The following ERBB4 variants were observed in gnomAD, a reference collection of about 807,000 sequenced individuals.
ERBB4 encodes receptor tyrosine-protein kinase erbB-4.
ERBB4 carries 42 observed loss-of-function variants against 158.0 expected under a neutral mutation model. The observed-to-expected ratio is 0.27, with a 90% CI of 0.21 to 0.34. The LOEUF (loss-of-function observed/expected upper bound fraction) is 0.34, where lower values mean the gene tolerates loss of function less well. Among genes scored for constraint, ERBB4 ranks in the 10% least tolerant of loss-of-function variants. ERBB4 has a pLI of 1.00. For synonymous variants in ERBB4, 583 were observed against 558.7 expected, an observed-to-expected ratio of 1.04 and a Z score of -0.61; for missense variants, 1,333 against 1,624.1, an observed-to-expected ratio of 0.82 and a Z score of 3.08.
intron 2 of ERBB4, among the ~76,000 whole-genome samples, chr2:212,003,193 GAAAGAAAGAAAGACA>G (rs1559293467): frequency 0.013 from 854 of 64,446 alleles, 70 homozygotes; most frequent in Non-Finnish European, 0.025. Flanking sequence ...AAGAAAGAAA[GAAAGAAAGAAAGACA>G]GAAAGAAGGA....
At chr2:212,416,090 A>T (rs1395050576) in intron 1 of ERBB4, among the ~76,000 whole-genome samples, 1 of 152,090 alleles carries the variant, frequency 6.6e-6, no homozygotes, top group African/African-American at 2.4e-5. Flanking sequence ...CCATCAACAA[A>T]ACTTTCTATT....
At chr2:211,446,724 T>A (rs974702293) in intron 20 of ERBB4, among the ~76,000 whole-genome samples, 1 of 152,058 alleles carries the variant, frequency 6.6e-6, no homozygotes, top group Non-Finnish European at 1.5e-5. Flanking sequence ...GATAACTTTA[T>A]AGAATCAGAT....
intron 1 of ERBB4, among the ~76,000 whole-genome samples, chr2:212,322,030 A>G (rs115497448): frequency 0.015 from 2,285 of 150,636 alleles, 82 homozygotes; most frequent in African/African-American, 0.053. Flanking sequence ...GATTTCACAG[A>G]GTGGATACAA....
At chr2:211,618,334 C>A (rs751524022) in intron 19 of ERBB4, among the ~76,000 whole-genome samples, 24 of 152,048 alleles carry the variant, frequency 1.6e-4, no homozygotes, top group Non-Finnish European at 3.4e-4. Flanking sequence ...ATCTGGCCTG[C>A]AGCTTATTTA....
At chr2:211,475,905 T>C (rs947829408) in intron 20 of ERBB4, among the ~76,000 whole-genome samples, 1 of 152,078 alleles carries the variant, frequency 6.6e-6, no homozygotes, top group Non-Finnish European at 1.5e-5. Flanking sequence ...GATTATGTAA[T>C]AGAGTAGTGG....
chr2:211,935,634 G>A (rs1019225523), intron 3 of ERBB4, among the ~76,000 whole-genome samples: 4 of 150,936 alleles, frequency 2.7e-5, no homozygotes, highest in African/African-American at 9.7e-5. Flanking sequence ...CCGAGGTGCT[G>A]AGCCAGGTCA....
At chr2:212,508,480 T>A (rs1284032192) in intron 1 of ERBB4, among the ~76,000 whole-genome samples, 1 of 152,196 alleles carries the variant, frequency 6.6e-6, no homozygotes, top group Admixed American at 6.5e-5. Context: ...TGAGATAATT[T>A]TTAAACTTCT....
chr2:212,344,145 C>T (rs1331418108), intron 1 of ERBB4, among the ~76,000 whole-genome samples: 1 of 152,066 alleles, frequency 6.6e-6, no homozygotes, highest in South Asian at 2.1e-4. Flanking sequence ...TAGTTATTAA[C>T]GAAATACAAA....
chr2:212,431,893 A>G (rs1490473403), intron 1 of ERBB4, among the ~76,000 whole-genome samples: 1 of 152,246 alleles, frequency 6.6e-6, no homozygotes, highest in African/African-American at 2.4e-5. Flanking sequence ...ATCTCCCAAC[A>G]TTCATTGTCC....
chr2:211,864,432 C>T (rs2078151756), intron 3 of ERBB4, among the ~76,000 whole-genome samples: 1 of 152,184 alleles, frequency 6.6e-6, no homozygotes, highest in African/African-American at 2.4e-5. Context: ...CTGCTTCAGG[C>T]TGCATGCTTG....
At chr2:212,311,873 G>A (rs541716522) in intron 1 of ERBB4, among the ~76,000 whole-genome samples, 1 of 151,038 alleles carries the variant, frequency 6.6e-6, no homozygotes, top group Non-Finnish European at 1.5e-5. Context: ...GTGCACAAGA[G>A]AAATCTATTA....
chr2:211,622,993 ATATATATATATATAT>A (rs1559356911), intron 18 of ERBB4, among the ~76,000 whole-genome samples: 2 of 7,426 alleles, frequency 2.7e-4, no homozygotes, highest in Non-Finnish European at 4.4e-4. Context: ...AAAAAAAAAT[ATATATATATATATAT>A]ATATATATAT....
intron 14 of ERBB4, among the ~76,000 whole-genome samples, chr2:211,672,470 T>C (rs1364108424): frequency 2.0e-5 from 3 of 152,172 alleles, no homozygotes; most frequent in African/African-American, 7.2e-5. Context: ...ACTATGTAAA[T>C]GAGACCTCAT....
chr2:212,343,369 T>A (rs1358081477), intron 1 of ERBB4, among the ~76,000 whole-genome samples: 5 of 152,138 alleles, frequency 3.3e-5, no homozygotes, highest in Admixed American at 6.6e-5. Flanking sequence ...CAGTCCAGAG[T>A]ATTCAGGTGA....
At chr2:211,735,214 C>T (rs2106164596) in intron 5 of ERBB4, among the ~76,000 whole-genome samples, 1 of 105,804 alleles carries the variant, frequency 9.5e-6, no homozygotes, top group East Asian at 2.1e-4. Flanking sequence ...CTGAGTATCA[C>T]ATGAATTTAA....
chr2:211,580,807 TATATAA>T (rs1360869786), intron 19 of ERBB4, among the ~76,000 whole-genome samples: 2 of 55,684 alleles, frequency 3.6e-5, no homozygotes, highest in African/African-American at 1.3e-4. Context: ...TATATATATA[TATATAA>T]TATATATATA....
intron 3 of ERBB4, among the ~76,000 whole-genome samples, chr2:211,920,293 G>T (rs781565324): frequency 6.6e-6 from 1 of 151,852 alleles, no homozygotes; most frequent in Non-Finnish European, 1.5e-5. Flanking sequence ...ACAGGATTTC[G>T]CCTTTAATAA....
chr2:211,985,178 C>A (rs1013209011), intron 2 of ERBB4, among the ~76,000 whole-genome samples: 4 of 151,914 alleles, frequency 2.6e-5, no homozygotes, highest in African/African-American at 9.7e-5. Context: ...AGATGTTAAT[C>A]CAGAATATTT....
intron 3 of ERBB4, among the ~76,000 whole-genome samples, chr2:211,933,087 T>C (rs1175744113): frequency 6.6e-6 from 1 of 151,998 alleles, no homozygotes; most frequent in Non-Finnish European, 1.5e-5. Context: ...ATAGTTAGGT[T>C]CTCGTAATTT....
Sources: allele counts gnomAD v4.1 joint callset (sites outside exome capture counted in the v4.1 genomes callset), GRCh38; gene constraint gnomAD v4.1.1; transcripts MANE v1.5; gene names NCBI Gene and HGNC (gene_info 2026-07-23, HGNC 2026-07-21).